Variants in NFATC1 observed in about 807,000 individuals in gnomAD.
The protein encoded by NFATC1 is nuclear factor of activated T-cells, cytoplasmic 1.
In NFATC1, 22 loss-of-function variants were observed where a neutral mutation model predicts 76.0. That is an observed-to-expected ratio of 0.29 (90% CI 0.21 to 0.41). NFATC1 has a LOEUF of 0.41. NFATC1 is among the 10% of genes least tolerant of loss of function. The pLI is 1.00. For synonymous variants in NFATC1, 704 were observed against 613.1 expected, an observed-to-expected ratio of 1.15 and a Z score of -2.19; for missense variants, 1,357 against 1,337.7, an observed-to-expected ratio of 1.01 and a Z score of -0.23.
At chr18:79,453,207 C>T (rs919985487) in intron 6 of NFATC1, among the ~76,000 whole-genome samples, 1 of 152,204 alleles carries the variant, frequency 6.6e-6, no homozygotes, top group African/African-American at 2.4e-5. Flanking sequence ...TGTAGGGCCT[C>T]GCTTGGGCCA....
rs548161343 is a variant in NFATC1 at position 79,451,927 on chromosome 18, A to G, written c.1903+111A>G. ...GTGCACGGTCACCGGGACGGGGCTTATGGGGTGTGGCACGGAGCAGAGGCT... is the reference window on the plus strand; with the variant it reads ...GTGCACGGTCACCGGGACGGGGCTTGTGGGGTGTGGCACGGAGCAGAGGCT... On this transcript the variant is annotated intron_variant, in intron 6 of 9. Coordinates refer to ENST00000427363, the MANE Select transcript of NFATC1 (RefSeq NM_001278669.2). The G allele has an allele frequency of 9.6e-5, 131 of 1,368,386 alleles. 1 individual carries two copies. The East Asian group carries it at 2.2e-3, about 23-fold the overall frequency. The allele number at this position is 1,368,386 out of a possible 1,614,324, so 84.8% of individuals were successfully genotyped here.
chr18:79,424,465 GTCTC>G (rs759006601), intron 2 of NFATC1, among the ~76,000 whole-genome samples: 45 of 145,140 alleles, frequency 3.1e-4, no homozygotes, highest in African/African-American at 1.2e-3. Flanking sequence ...TGCGCTGATC[GTCTC>G]TCTCTCTCTT....
chr18:79,402,418 C>A, intron 1 of NFATC1: 1 of 984,006 alleles, frequency 1.0e-6, no homozygotes, highest in South Asian at 4.7e-5. Context: ...CCACCGGGCT[C>A]ATTCCCCCAA....
Position 79,425,700 on chromosome 18 carries a change from A to C in NFATC1, c.1227-7879A>C, listed in dbSNP as rs73494211. On this transcript the variant is annotated intron_variant, in intron 2 of 9. Coordinates refer to ENST00000427363, the MANE Select transcript of NFATC1 (RefSeq NM_001278669.2). ...CGACTCATGAGGAGAGTGTTTTCAG[A>C]TGCTGGGGACGTGGCCTTTCTAAGG... 2.0e-3 allele frequency among the ~76,000 whole-genome samples: 306 copies of C among 152,262 alleles called. 1 individual carries two copies. Among genetic ancestry groups the C allele is most frequent in the African/African-American group, 7.0e-3 (289 of 41,552 alleles).
At chr18:79,397,564 G>A (rs2085049146) in intron 1 of NFATC1, among the ~76,000 whole-genome samples, 1 of 152,228 alleles carries the variant, frequency 6.6e-6, no homozygotes, top group African/African-American at 2.4e-5. Flanking sequence ...CCCAATGTTA[G>A]AAAATGTTGA....
At chr18:79,487,401 G>A (rs567108279) in intron 9 of NFATC1, among the ~76,000 whole-genome samples, 46 of 152,352 alleles carry the variant, frequency 3.0e-4, no homozygotes, top group African/African-American at 7.7e-4. Context: ...TACCCCGTGC[G>A]GCTCTGTAAA....
At chr18:79,424,900 T>C (rs1487499773) in intron 2 of NFATC1, among the ~76,000 whole-genome samples, 1 of 140,348 alleles carries the variant, frequency 7.1e-6, no homozygotes, top group East Asian at 1.9e-4. Context: ...TCTCTGTTTC[T>C]CCATTTCTCT....
chr18:79,481,243 C>G (rs1429825916), intron 8 of NFATC1, among the ~76,000 whole-genome samples: 1 of 152,218 alleles, frequency 6.6e-6, no homozygotes, highest in Non-Finnish European at 1.5e-5. Flanking sequence ...TTCCTGAGGC[C>G]CAGCTGCGTC....
intron 3 of NFATC1, among the ~76,000 whole-genome samples, chr18:79,444,740 C>T (rs547218559): frequency 2.2e-3 from 318 of 142,258 alleles, no homozygotes; most frequent in African/African-American, 8.7e-3. Flanking sequence ...TGGGCACACA[C>T]GTGCCCGACC....
At chr18:79,479,920 G>C (rs1426090259) in intron 8 of NFATC1, among the ~76,000 whole-genome samples, 3 of 152,234 alleles carry the variant, frequency 2.0e-5, no homozygotes, top group Admixed American at 2.0e-4. Flanking sequence ...CCAGGGCTGA[G>C]AAACCATCCG....
At chr18:79,473,662 C>T (rs2088886734) in intron 8 of NFATC1, among the ~76,000 whole-genome samples, 1 of 145,586 alleles carries the variant, frequency 6.9e-6, no homozygotes, top group Non-Finnish European at 1.5e-5. Flanking sequence ...CGCTCACTGT[C>T]GACGTTGTAA....
At chr18:79,407,308 C>T (rs111979965) in intron 1 of NFATC1, among the ~76,000 whole-genome samples, 6 of 152,316 alleles carry the variant, frequency 3.9e-5, no homozygotes, top group African/African-American at 1.4e-4. Flanking sequence ...CGTCTTGCAG[C>T]TGGGGCAGAT....
chr18:79,452,061 A>C (rs2087498764), intron 6 of NFATC1: 1 of 412,004 alleles, frequency 2.4e-6, no homozygotes. Context: ...GGGCCACTGC[A>C]CTCACATCGC....
chr18:79,415,679 G>A (rs1417543948), intron 2 of NFATC1, among the ~76,000 whole-genome samples: 1 of 152,194 alleles, frequency 6.6e-6, no homozygotes. Flanking sequence ...ATTCCTAAGG[G>A]GCGAGATAGG....
chr18:79,477,639 G>A (rs1397685122), intron 8 of NFATC1, among the ~76,000 whole-genome samples: 2 of 151,872 alleles, frequency 1.3e-5, no homozygotes, highest in Non-Finnish European at 2.9e-5. Flanking sequence ...CGGCCGTACT[G>A]TTGGCAGAAG....
intron 8 of NFATC1, among the ~76,000 whole-genome samples, chr18:79,482,957 C>T (rs1302278776): frequency 1.5e-5 from 2 of 132,248 alleles, no homozygotes; most frequent in African/African-American, 2.9e-5. Flanking sequence ...GTAATTCCAG[C>T]GTGACCTGGT....
Position 79,440,482 on chromosome 18 carries a change from G to A in NFATC1, c.1386+6744G>A, listed in dbSNP as rs1249101689. Among the ~76,000 whole-genome samples, 5 of 152,384 alleles carry A rather than the reference G, an allele frequency of 3.3e-5. No individual in the cohort carries two copies. The East Asian group carries it at 9.6e-4, about 29-fold the overall frequency. ...GAGGCGGCGCCCTGGCAGCTCTCATGTGGGGCCTGGTCCTTCCTCGCTGCC... is the reference window on the plus strand; with the variant it reads ...GAGGCGGCGCCCTGGCAGCTCTCATATGGGGCCTGGTCCTTCCTCGCTGCC... On this transcript the variant is annotated intron_variant, in intron 3 of 9. Coordinates refer to ENST00000427363, the MANE Select transcript of NFATC1 (RefSeq NM_001278669.2).
chr18:79,425,047 GTC>G lies in NFATC1; in HGVS notation c.1227-8528_1227-8527del, dbSNP rs1371240880. ...TCCATCTCTCTCCATCTCTCTCTCC[GTC>G]TCTGTTTCTCTCTCTGTTTCTCTCT... On this transcript the variant is annotated intron_variant, in intron 2 of 9. Coordinates refer to ENST00000427363, the MANE Select transcript of NFATC1 (RefSeq NM_001278669.2). Among the ~76,000 whole-genome samples, 220 of 137,294 alleles carry G rather than the reference GTC, an allele frequency of 1.6e-3. 2 individuals are homozygous for G. Among genetic ancestry groups the G allele is most frequent in the Middle Eastern group, 4.3e-3 (1 of 230 alleles). The allele number at this position is 137,294 out of a possible 152,430, so 90.1% of individuals were successfully genotyped here. A position where few individuals can be genotyped will look rare whatever the true frequency, so the allele number is the denominator to read the frequency against.
intron 9 of NFATC1, among the ~76,000 whole-genome samples, chr18:79,507,693 C>CT (rs1223015252): frequency 6.6e-6 from 1 of 152,264 alleles, no homozygotes; most frequent in African/African-American, 2.4e-5. Flanking sequence ...CACCAGGCTT[C>CT]TGCACCCCCA....
Sources: allele counts gnomAD v4.1 joint callset (sites outside exome capture counted in the v4.1 genomes callset), GRCh38; gene constraint gnomAD v4.1.1; transcripts MANE v1.5; gene names NCBI Gene and HGNC (gene_info 2026-07-23, HGNC 2026-07-21).